The following SLIT3 variants were observed in gnomAD, a reference collection of about 807,000 sequenced individuals.
The protein encoded by SLIT3 is slit homolog 3 protein.
Under a neutral mutation model 184.0 loss-of-function variants are expected in SLIT3, and 68 were observed. That is an observed-to-expected ratio of 0.37 (90% CI 0.30 to 0.45). The LOEUF (loss-of-function observed/expected upper bound fraction) is 0.45. Among genes scored for constraint, SLIT3 ranks in the 20% least tolerant of loss-of-function variants. SLIT3 has a pLI of 1.00. For missense variants in SLIT3, 1,707 were observed against 2,026.0 expected (o/e 0.84, Z 3.02); for synonymous variants, 831 against 828.6 (o/e 1.00, Z -0.05).
chr5:169,284,687 T>C (rs1363503877), intron 1 of SLIT3, among the ~76,000 whole-genome samples: 2 of 152,140 alleles, frequency 1.3e-5, no homozygotes, highest in African/African-American at 4.8e-5. Flanking sequence ...TGAGAAGTGA[T>C]GGAATTTGAA....
At chr5:168,688,769 A>G (rs973933293) in intron 29 of SLIT3, among the ~76,000 whole-genome samples, 2 of 152,240 alleles carry the variant, frequency 1.3e-5, no homozygotes, top group South Asian at 2.1e-4. Context: ...CATGTGCTCA[A>G]TACAGCACCA....
At chr5:169,189,549 T>G (rs928719819) in intron 4 of SLIT3, among the ~76,000 whole-genome samples, 5 of 84,002 alleles carry the variant, frequency 6.0e-5, no homozygotes, top group East Asian at 6.6e-4. Context: ...TATATATATA[T>G]ATATATATAT....
intron 32 of SLIT3, among the ~76,000 whole-genome samples, chr5:168,681,318 A>G (rs1761582658): frequency 6.6e-6 from 1 of 152,222 alleles, no homozygotes; most frequent in African/African-American, 2.4e-5. Flanking sequence ...CCCTGCACCT[A>G]GCCCAGGGTC....
intron 14 of SLIT3, among the ~76,000 whole-genome samples, chr5:168,769,725 C>G (rs1755478608): frequency 6.6e-6 from 1 of 152,120 alleles, no homozygotes; most frequent in African/African-American, 2.4e-5. Context: ...CCTCACCAAG[C>G]CTTAAAATCT....
chr5:168,794,590 G>C (rs982843481), intron 10 of SLIT3, among the ~76,000 whole-genome samples: 1 of 152,194 alleles, frequency 6.6e-6, no homozygotes, highest in African/African-American at 2.4e-5. Context: ...TGGTGGAGTG[G>C]TGTGACTTAC....
intron 6 of SLIT3, among the ~76,000 whole-genome samples, chr5:168,840,809 G>A (rs1396170912): frequency 6.6e-6 from 1 of 152,176 alleles, no homozygotes; most frequent in Non-Finnish European, 1.5e-5. Flanking sequence ...AGGAGGGGGA[G>A]ACAGTTCTAG....
intron 4 of SLIT3, among the ~76,000 whole-genome samples, chr5:169,056,119 G>A (rs983086576): frequency 1.4e-4 from 22 of 152,220 alleles, no homozygotes; most frequent in African/African-American, 4.6e-4. Context: ...GAAGGGGCTC[G>A]GAGGAGGCAG....
chr5:169,269,270 T>G lies in SLIT3; in HGVS notation c.198-17811A>C, dbSNP rs543193825. Among the ~76,000 whole-genome samples the G allele has an allele frequency of 3.1e-3, 477 of 152,374 alleles. 3 individuals are homozygous for G. Among genetic ancestry groups the G allele is most frequent in the African/African-American group, 0.011 (455 of 41,592 alleles). On this transcript the variant is annotated intron_variant, in intron 1 of 35. Coordinates refer to ENST00000519560, the MANE Select transcript of SLIT3 (RefSeq NM_003062.4). ...AGGTCCTCCCTCTCCTTAACCACTC[T>G]GACTTATATACCAACTCTTGTTGAC...
chr5:169,101,997 T>C (rs1760038152), intron 4 of SLIT3, among the ~76,000 whole-genome samples: 1 of 152,188 alleles, frequency 6.6e-6, no homozygotes, highest in Non-Finnish European at 1.5e-5. Context: ...GTTCTAGACT[T>C]ATTTGTCTTT....
chr5:168,705,449 TCAC>T (rs1439445181), intron 26 of SLIT3, among the ~76,000 whole-genome samples: 3 of 152,158 alleles, frequency 2.0e-5, no homozygotes, highest in Non-Finnish European at 4.4e-5. Context: ...ATCATCATCA[TCAC>T]CACCATCTGT....
intron 4 of SLIT3, among the ~76,000 whole-genome samples, chr5:169,077,365 G>A (rs1314256959): frequency 3.3e-5 from 5 of 151,880 alleles, no homozygotes; most frequent in South Asian, 4.2e-4. Flanking sequence ...GTGAAAACCC[G>A]TCTCTACTGA....
intron 4 of SLIT3, among the ~76,000 whole-genome samples, chr5:169,116,485 T>C (rs951821443): frequency 3.9e-5 from 6 of 152,190 alleles, no homozygotes; most frequent in Non-Finnish European, 5.9e-5. Flanking sequence ...AGTTATGGTG[T>C]TCAGGATGAA....
In SLIT3 at chr5:168,696,303, G is replaced by A; in HGVS notation, c.3071C>T (p.Pro1024Leu). 6.2e-7 allele frequency: 1 copy of A among 1,614,136 alleles called. No individual in the cohort carries two copies. Among genetic ancestry groups the A allele is most frequent in the Non-Finnish European group, 8.5e-7 (1 of 1,180,012 alleles). The change falls in exon 28 of 36, where the codon CCT becomes CTT. Residue 1024 changes from proline (P) to leucine (L), a missense_variant. Coordinates refer to ENST00000519560, the MANE Select transcript of SLIT3 (RefSeq NM_003062.4). ...GINNYVCICP[P>L]NYTGELCDEV... ...CATGAGATCCTTACCTGTGTAGTTA[G>A]GCGGACAGATACACACGTAGTTGTT...
chr5:169,067,131 C>T lies in SLIT3; in HGVS notation c.413+126348G>A, dbSNP rs1038699268. Among the ~76,000 whole-genome samples the T allele has an allele frequency of 3.3e-5, 5 of 152,044 alleles. No individual in the cohort carries two copies. The East Asian group carries it at 5.8e-4, about 18-fold the overall frequency. ...GGTAAAGAATGACGGACGAATTGGC[C>T]GGGTACAGTGGCTCATGTTTGTAAT... is the stretch of plus-strand genomic sequence containing the variant. On this transcript the variant is annotated intron_variant, in intron 4 of 35. Coordinates refer to ENST00000519560, the MANE Select transcript of SLIT3 (RefSeq NM_003062.4).
chr5:169,209,482 G>A (rs921840563), intron 3 of SLIT3, among the ~76,000 whole-genome samples: 3 of 152,130 alleles, frequency 2.0e-5, no homozygotes, highest in Non-Finnish European at 4.4e-5. Context: ...CAACTATAAA[G>A]ACACATGCAC....
At chr5:168,907,965 TATATATATATATATAGAGAGAG>T (rs1761125463) in intron 4 of SLIT3, among the ~76,000 whole-genome samples, 36 of 80,076 alleles carry the variant, frequency 4.5e-4, no homozygotes, top group East Asian at 1.7e-3. Flanking sequence ...TATATATATA[TATATATATATATATAGAGAGAG>T]AGAGAGAGAG....
At chr5:168,987,672 A>G (rs1755181442) in intron 4 of SLIT3, among the ~76,000 whole-genome samples, 2 of 152,214 alleles carry the variant, frequency 1.3e-5, no homozygotes, top group Non-Finnish European at 1.5e-5. Flanking sequence ...CTCGTACCCT[A>G]TAGGAACCGA....
intron 23 of SLIT3, among the ~76,000 whole-genome samples, chr5:168,715,844 G>A (rs1762708988): frequency 6.7e-6 from 1 of 149,428 alleles, no homozygotes; most frequent in South Asian, 2.1e-4. Flanking sequence ...ATCTAATTTT[G>A]TATTTTTATT....
At chr5:169,052,173 A>T (rs1162237962) in intron 4 of SLIT3, among the ~76,000 whole-genome samples, 4 of 152,142 alleles carry the variant, frequency 2.6e-5, no homozygotes, top group Admixed American at 2.0e-4. Context: ...TTAAAGACAG[A>T]GAGGGCTCCT....
Sources: gnomAD v4.1 joint callset for allele counts (sites outside exome capture counted in the v4.1 genomes callset) on GRCh38, gnomAD v4.1.1 for gene constraint, MANE v1.5 for transcripts, NCBI Gene and HGNC (gene_info 2026-07-23, HGNC 2026-07-21) for gene names.